Variants in DLGAP2 observed in about 807,000 individuals in gnomAD.
DLGAP2 encodes DLG associated protein 2, also known as disks large-associated protein 2.
DLGAP2 carries 26 observed loss-of-function variants against 100.3 expected under a neutral mutation model. The observed-to-expected ratio is 0.26, with a 90% CI of 0.19 to 0.36. The LOEUF is 0.36. DLGAP2 is among the 10% of genes least tolerant of loss of function. The pLI is 1.00. For missense variants in DLGAP2, 1,858 were observed against 1,453.2 expected (o/e 1.28, Z -4.53); for synonymous variants, 886 against 630.1 (o/e 1.41, Z -6.08).
chr8:946,751 G>C lies in DLGAP2; in HGVS notation c.73+38785G>C, dbSNP rs533776629. ...CAGGACTGAGTGCCATAGTGGTCTT[G>C]AGAATTCTCTATGAACTCTGTGGAC... On this transcript the variant is annotated intron_variant, in intron 2 of 14. Coordinates refer to ENST00000637795, the MANE Select transcript of DLGAP2 (RefSeq NM_001346810.2). 5.6e-4 allele frequency among the ~76,000 whole-genome samples: 86 copies of C among 152,306 alleles called. 1 individual carries two copies. The highest frequency in any genetic ancestry group is 2.6e-4 in the Admixed American group (4 of 15,302).
At chr8:1,222,200 T>C (rs1393209300) in intron 2 of DLGAP2, among the ~76,000 whole-genome samples, 1 of 152,248 alleles carries the variant, frequency 6.6e-6, no homozygotes, top group Non-Finnish European at 1.5e-5. Context: ...CTTTCTCATC[T>C]GTGTGGGCTG....
chr8:1,502,883 A>C (rs1799771168), intron 4 of DLGAP2, among the ~76,000 whole-genome samples: 1 of 152,112 alleles, frequency 6.6e-6, no homozygotes, highest in African/African-American at 2.4e-5. Context: ...GGGCAGCAGG[A>C]GGTACCTGGG....
intron 3 of DLGAP2, among the ~76,000 whole-genome samples, chr8:1,390,828 T>C (rs1208049968): frequency 6.6e-6 from 1 of 152,212 alleles, no homozygotes; most frequent in Non-Finnish European, 1.5e-5. Flanking sequence ...CCATAGCGAA[T>C]GCAAACACAC....
At chr8:1,520,670 A>G (rs1800564610) in intron 4 of DLGAP2, among the ~76,000 whole-genome samples, 1 of 152,108 alleles carries the variant, frequency 6.6e-6, no homozygotes, top group South Asian at 2.1e-4. Flanking sequence ...TGACCCATGG[A>G]TTCAAAGAGT....
intron 2 of DLGAP2, among the ~76,000 whole-genome samples, chr8:1,188,127 C>G (rs1199150335): frequency 7.1e-6 from 1 of 140,826 alleles, no homozygotes; most frequent in South Asian, 2.3e-4. Flanking sequence ...ATTTGCCTCA[C>G]GGAATCTCGC....
intron 1 of DLGAP2, among the ~76,000 whole-genome samples, chr8:825,938 C>A (rs2132693707): frequency 1.3e-5 from 2 of 152,284 alleles, no homozygotes; most frequent in East Asian, 3.9e-4. Flanking sequence ...AGATTGTATT[C>A]ATTCTATCTG....
chr8:1,328,108 C>G (rs1055462610), intron 3 of DLGAP2, among the ~76,000 whole-genome samples: 3 of 151,506 alleles, frequency 2.0e-5, no homozygotes, highest in East Asian at 2.0e-4. Context: ...GGTGTGATCT[C>G]AGCTCACTGC....
intron 1 of DLGAP2, among the ~76,000 whole-genome samples, chr8:806,283 C>T (rs189549795): frequency 1.3e-3 from 203 of 152,262 alleles, no homozygotes; most frequent in African/African-American, 4.6e-3. Flanking sequence ...GTTGTCATGG[C>T]GCTGGGTCTC....
chr8:1,691,591 T>C lies in DLGAP2; in HGVS notation c.2761T>C (p.Phe921Leu). The C allele has an allele frequency of 6.2e-7, 1 of 1,614,124 alleles. No individual in the cohort carries two copies. The highest frequency in any genetic ancestry group is 8.5e-7 in the Non-Finnish European group (1 of 1,179,986). The change falls in exon 13 of 15, where the codon TTC (phenylalanine) becomes CTC (leucine). Residue 921 changes from phenylalanine to leucine, a missense_variant. By Grantham distance (22) the Phe-to-Leu change is conservative (BLOSUM62 0). Coordinates refer to ENST00000637795, the MANE Select transcript of DLGAP2 (RefSeq NM_001346810.2). ...GSAQLLMSQK[F>L]QQFYWLCQQN... Reference sequence around the variant, plus strand: ...TGCCCAGCTTCTCATGTCCCAGAAATTCCAGCAGTTTTATTGGCTTTGCCA... The same window carrying C: ...TGCCCAGCTTCTCATGTCCCAGAAACTCCAGCAGTTTTATTGGCTTTGCCA...
intron 2 of DLGAP2, among the ~76,000 whole-genome samples, chr8:994,115 C>T (rs899738037): frequency 2.0e-5 from 3 of 152,174 alleles, no homozygotes; most frequent in Non-Finnish European, 4.4e-5. Flanking sequence ...ATCGCCACTG[C>T]ACTACAATGT....
intron 1 of DLGAP2, among the ~76,000 whole-genome samples, chr8:817,535 A>G (rs1404021256): frequency 6.6e-6 from 1 of 152,036 alleles, no homozygotes; most frequent in Admixed American, 6.6e-5. Flanking sequence ...GTGGTAAATA[A>G]CCTTGTTTTA....
intron 2 of DLGAP2, among the ~76,000 whole-genome samples, chr8:1,185,316 G>A (rs1047168225): frequency 1.3e-5 from 2 of 152,122 alleles, no homozygotes; most frequent in Non-Finnish European, 2.9e-5. Flanking sequence ...GCCTCGGGCT[G>A]AGTGACACCA....
rs1799621329 is a variant in DLGAP2 at position 1,703,187 on chromosome 8, G to A, written c.*1781G>A. 1 of 152,228 alleles carries A rather than the reference G, an allele frequency of 6.6e-6. No homozygotes were observed. Among genetic ancestry groups the A allele is most frequent in the Non-Finnish European group, 1.5e-5 (1 of 67,992 alleles). 9.4% of individuals were successfully genotyped at this position (152,228 alleles called of 1,614,324 possible). A position where few individuals can be genotyped will look rare whatever the true frequency, so the allele number is the denominator to read the frequency against. ...AAAGCTGAGTAGTTAAGAATTCCCT[G>A]TAAAAACAAAACCCTGTAAATTGAG... is the stretch of plus-strand genomic sequence containing the variant. On this transcript the variant is annotated 3_prime_UTR_variant, in exon 15 of 15. Transcript: ENST00000637795.
chr8:1,488,210 A>G lies in DLGAP2; in HGVS notation c.107-13156A>G, dbSNP rs551400746. Among the ~76,000 whole-genome samples the G allele has an allele frequency of 5.9e-5, 9 of 151,562 alleles. No individual in the cohort carries two copies. The East Asian group carries it at 1.8e-3, about 30-fold the overall frequency. On this transcript the variant is annotated intron_variant, in intron 3 of 14. Coordinates refer to ENST00000637795, the MANE Select transcript of DLGAP2 (RefSeq NM_001346810.2). ...CACACTGTCCTCCACACAGTCCTCC[A>G]CCCCCCTGCAAACTCCCACCCGGCA...
intron 2 of DLGAP2, among the ~76,000 whole-genome samples, chr8:1,038,054 C>G (rs1370799533): frequency 2.0e-5 from 3 of 152,158 alleles, no homozygotes; most frequent in Non-Finnish European, 4.4e-5. Flanking sequence ...CAGTTGGACC[C>G]CTTTGTCGTT....
At chr8:1,387,647 A>G (rs1486560446) in intron 3 of DLGAP2, among the ~76,000 whole-genome samples, 1 of 152,190 alleles carries the variant, frequency 6.6e-6, no homozygotes, top group Non-Finnish European at 1.5e-5. Context: ...GTTTGACTTC[A>G]AAGTGTGGAA....
chr8:1,107,844 C>G (rs1447866461), intron 2 of DLGAP2, among the ~76,000 whole-genome samples: 1 of 152,162 alleles, frequency 6.6e-6, no homozygotes, highest in Non-Finnish European at 1.5e-5. Context: ...CTTCCTGACA[C>G]CGAACCACCC....
intron 2 of DLGAP2, among the ~76,000 whole-genome samples, chr8:1,015,257 AGAC>A (rs553987343): frequency 8.0e-4 from 4 of 5,018 alleles, no homozygotes; most frequent in East Asian, 2.6e-3. Flanking sequence ...TGACCAGGAC[AGAC>A]GACGCCTCCA....
chr8:1,303,328 C>G (rs7464227), intron 3 of DLGAP2, among the ~76,000 whole-genome samples: 3 of 148,486 alleles, frequency 2.0e-5, no homozygotes, highest in Admixed American at 1.4e-4. Flanking sequence ...ACCCGGGAGG[C>G]GGAGCTTGCA....
Sources: gnomAD v4.1 joint callset for allele counts (sites outside exome capture counted in the v4.1 genomes callset) on GRCh38, gnomAD v4.1.1 for gene constraint, MANE v1.5 for transcripts, NCBI Gene and HGNC (gene_info 2026-07-23, HGNC 2026-07-21) for gene names.